CDC34: variants seen among roughly 807,000 people sequenced by gnomAD.
The protein encoded by CDC34 is ubiquitin-conjugating enzyme E2 R1.
Under a neutral mutation model 26.8 loss-of-function variants are expected in CDC34, and 18 were observed. That is an observed-to-expected ratio of 0.67 (90% CI 0.47 to 1.00). The LOEUF (loss-of-function observed/expected upper bound fraction) is 1.00, where lower values mean the gene tolerates loss of function less well. Among genes scored for constraint, CDC34 ranks in the 50% least tolerant of loss-of-function variants. The pLI is 0.00. For synonymous variants in CDC34, 178 were observed against 147.5 expected, an observed-to-expected ratio of 1.21 and a Z score of -1.50; for missense variants, 280 against 334.5, an observed-to-expected ratio of 0.84 and a Z score of 1.27.
At chr19:536,869 C>A in intron 3 of CDC34, 144 bp from the exon 4 acceptor site, 1 of 845,012 alleles carries the variant, frequency 1.2e-6, no homozygotes, top group Non-Finnish European at 1.9e-6. Context: ...GTTCTGGGGG[C>A]CTGAGACAGA....
intron 4 of CDC34, 151 bp downstream of exon 4, chr19:537,298 C>A: frequency 1.2e-6 from 1 of 858,704 alleles, no homozygotes; most frequent in Non-Finnish European, 1.8e-6. Context: ...CAGATGGAGG[C>A]CGGGCCGAGT....
chr19:533,490 C>T (rs1979592276), intron 1 of CDC34, among the ~76,000 whole-genome samples: 1 of 152,224 alleles, frequency 6.6e-6, no homozygotes, highest in Admixed American at 6.5e-5. Context: ...CCTGCGTCCC[C>T]ACACAGGGAA....
In CDC34 at chr19:539,585, T is replaced by G. The variant is rs561204965; in HGVS notation, c.498-1754T>G. ...GGCTTGTGGGCTGGGCTTGGGGCTG[T>G]CTGTCTGCTCCCTGGTGCCCTCCCA... On this transcript the variant is annotated intron_variant, in intron 4 of 4. Coordinates refer to ENST00000215574, the MANE Select transcript of CDC34 (RefSeq NM_004359.2). Among the ~76,000 whole-genome samples the G allele has an allele frequency of 1.3e-3, 202 of 152,276 alleles. 2 individuals carry two copies. Among genetic ancestry groups the G allele is most frequent in the African/African-American group, 4.5e-3 (189 of 41,572 alleles).
At position 541,688 on chromosome 19, in the gene CDC34, C is replaced by T. The variant is rs558174517; in HGVS notation, c.*136C>T. 26 of 949,092 alleles carry T rather than the reference C, an allele frequency of 2.7e-5. No individual in the cohort carries two copies. The African/African-American group carries it at 4.3e-4, about 16-fold the overall frequency. The allele number at this position is 949,092 out of a possible 1,614,324, so 58.8% of individuals were successfully genotyped here. A position where few individuals can be genotyped will look rare whatever the true frequency, so the allele number is the denominator to read the frequency against. On this transcript the variant is annotated 3_prime_UTR_variant, in exon 5 of 5. Transcript: ENST00000215574. ...GTTTCGTTTTGGCTTTTTCTCCCTC[C>T]CCATGTCTGTTCTGGGTTTTCACGT...
At chr19:539,371 C>G (rs1217294211) in intron 4 of CDC34, among the ~76,000 whole-genome samples, 2 of 149,246 alleles carry the variant, frequency 1.3e-5, no homozygotes, top group Non-Finnish European at 3.0e-5. Context: ...TCCACCCTGG[C>G]CCTCCCCTGC....
chr19:535,000 A>C (rs1371695755), intron 1 of CDC34, among the ~76,000 whole-genome samples: 1 of 152,202 alleles, frequency 6.6e-6, no homozygotes, highest in Admixed American at 6.5e-5. Context: ...TGACCCAGAC[A>C]ACCTCTGTGT....
chr19:540,781 G>C lies in CDC34; in HGVS notation c.498-558G>C, dbSNP rs1979972878. On this transcript the variant is annotated intron_variant, in intron 4 of 4. Transcript: ENST00000215574. The stretch of plus-strand genomic sequence containing the variant: ...GCCAGGCCCCCGGGTTTAGAATCCA[G>C]AGGCTGGGATGGCCAGGCCCCCCGG... Among the ~76,000 whole-genome samples the C allele has an allele frequency of 3.8e-5, 3 of 78,908 alleles. 1 individual carries two copies. The highest frequency in any genetic ancestry group is 9.3e-5 in the Non-Finnish European group (3 of 32,318). 51.8% of individuals were successfully genotyped at this position (78,908 alleles called of 152,430 possible). A position where few individuals can be genotyped will look rare whatever the true frequency, so the allele number is the denominator to read the frequency against.
At chr19:536,473 C>T (rs1979757408) in intron 3 of CDC34, 133 bp downstream of exon 3, 3 of 683,030 alleles carry the variant, frequency 4.4e-6, no homozygotes, top group Non-Finnish European at 7.5e-6. Flanking sequence ...CGGGACCTGC[C>T]AGCTGGCGGT....
chr19:535,143 C>G (rs936019979), intron 1 of CDC34, among the ~76,000 whole-genome samples: 1 of 152,222 alleles, frequency 6.6e-6, no homozygotes. Context: ...GGCTTCAGGC[C>G]TCCCTCTGTG....
chr19:533,787 C>T (rs549649192), intron 1 of CDC34, among the ~76,000 whole-genome samples: 235 of 152,326 alleles, frequency 1.5e-3, no homozygotes, highest in African/African-American at 5.3e-3. Context: ...CAGGGTCAGT[C>T]CTCAGAAGCC....
At chr19:534,414 C>G (rs571591865) in intron 1 of CDC34, among the ~76,000 whole-genome samples, 1 of 141,148 alleles carries the variant, frequency 7.1e-6, no homozygotes, top group East Asian at 2.2e-4. Context: ...CCAAGACCCC[C>G]GAGTACCCTC....
chr19:532,153 C>T lies in CDC34; in HGVS notation c.177+45C>T, dbSNP rs1418149539. 6 of 1,432,430 alleles carry T rather than the reference C, an allele frequency of 4.2e-6. No homozygotes were observed. The African/African-American group carries it at 4.6e-5, about 11-fold the overall frequency. 88.7% of individuals were successfully genotyped at this position (1,432,430 alleles called of 1,614,324 possible). On this transcript the variant is annotated intron_variant, in intron 1 of 4. Transcript: ENST00000215574. ...CCCGGGTCCCGGAGCCCACGAGCGACCTCGGGCGCCGGGAACCAGCTCCCT... is the reference window on the plus strand; with the variant it reads ...CCCGGGTCCCGGAGCCCACGAGCGATCTCGGGCGCCGGGAACCAGCTCCCT...
chr19:539,176 C>T (rs1040081594), intron 4 of CDC34: 13 of 243,318 alleles, frequency 5.3e-5, no homozygotes, highest in Admixed American at 2.6e-4. Context: ...CCGTGGAGCC[C>T]GGCTTGGTCA....
chr19:537,651 C>CTTTTTTTTTTTT (rs773623358), intron 4 of CDC34, among the ~76,000 whole-genome samples: 17 of 67,076 alleles, frequency 2.5e-4, no homozygotes, highest in Non-Finnish European at 3.3e-4. Flanking sequence ...CGCGGCCGGC[C>CTTTTTTTTTTTT]TTTTTTTTTT....
In CDC34 at chr19:537,204, GC is replaced by G. The variant is rs983961451; in HGVS notation, c.497+61del. The G allele has an allele frequency of 9.2e-5, 146 of 1,592,538 alleles. 1 individual carries two copies. The highest frequency in any genetic ancestry group is 1.2e-5 in the Non-Finnish European group (14 of 1,168,842). On this transcript the variant is annotated intron_variant, in intron 4 of 4. Coordinates refer to ENST00000215574, the MANE Select transcript of CDC34 (RefSeq NM_004359.2). ...AGACTCAGATCCGGCCTGCACCCCG[GC>G]CCCTGGTCCCACGGCCGCCCAGCCC...
rs375818778 is a variant in CDC34 at position 541,434 on chromosome 19, C to T, written c.593C>T (p.Ala198Val). The change falls in exon 5 of 5, where the codon GCG becomes GTG. Residue 198 changes from alanine to valine, a missense_variant. By Grantham distance (64) the Ala-to-Val change is moderately conservative (BLOSUM62 0). Transcript: ENST00000215574. ...AEYCVKTKAP[A>V]PDEGSDLFYD... Reference sequence around the variant, plus strand: ...TACTGCGTGAAGACCAAGGCGCCGGCGCCCGACGAGGGCTCAGACCTCTTC... The same window carrying T: ...TACTGCGTGAAGACCAAGGCGCCGGTGCCCGACGAGGGCTCAGACCTCTTC... 23 of 1,612,566 alleles carry T rather than the reference C, an allele frequency of 1.4e-5. No homozygotes were observed. The highest frequency in any genetic ancestry group is 6.7e-5 in the African/African-American group (5 of 74,916).
At chr19:536,700 C>T (rs1696090889) in intron 3 of CDC34, 8 of 530,348 alleles carry the variant, frequency 1.5e-5, no homozygotes, top group Non-Finnish European at 2.7e-5. Flanking sequence ...TCCCCAGGTA[C>T]AAGCACTGGG....
intron 1 of CDC34, among the ~76,000 whole-genome samples, chr19:532,786 C>A (rs1165259209): frequency 6.6e-6 from 1 of 152,228 alleles, no homozygotes; most frequent in Non-Finnish European, 1.5e-5. Context: ...AACCTGCGCC[C>A]TCGGGAAGGC....
chr19:540,920 T>C (rs1416089949), intron 4 of CDC34, among the ~76,000 whole-genome samples: 1 of 152,212 alleles, frequency 6.6e-6, no homozygotes, highest in African/African-American at 2.4e-5. Context: ...GGTTCCCGTC[T>C]CCAGGGATGG....
Sources: gnomAD v4.1 joint callset for allele counts (sites outside exome capture counted in the v4.1 genomes callset) on GRCh38, gnomAD v4.1.1 for gene constraint, MANE v1.5 for transcripts, NCBI Gene and HGNC (gene_info 2026-07-23, HGNC 2026-07-21) for gene names.